ULK4: variants seen among roughly 807,000 people sequenced by gnomAD.
ULK4 encodes the protein inactive serine/threonine-protein kinase ULK4.
In ULK4, 133 loss-of-function variants were observed where a neutral mutation model predicts 160.6. The ratio of observed to expected loss-of-function variants is 0.83; its 90% CI spans 0.72 to 0.96. The LOEUF (loss-of-function observed/expected upper bound fraction) is 0.96. ULK4 is among the 40% of genes least tolerant of loss of function. ULK4 has a pLI of 0.00. For missense variants in ULK4, 1,580 were observed against 1,499.5 expected (o/e 1.05, Z -0.89); for synonymous variants, 534 against 539.8 (o/e 0.99, Z 0.15).
chr3:41,595,181 T>C (rs1559420535), intron 31 of ULK4, among the ~76,000 whole-genome samples: 1 of 152,114 alleles, frequency 6.6e-6, no homozygotes, highest in Non-Finnish European at 1.5e-5. Flanking sequence ...AACAAGGGGC[T>C]CTACAGATGT....
intron 12 of ULK4, among the ~76,000 whole-genome samples, chr3:41,906,075 GGC>G (rs1358948695): frequency 6.6e-6 from 1 of 152,136 alleles, no homozygotes; most frequent in Non-Finnish European, 1.5e-5. Context: ...AAATTAGCTG[GGC>G]ATGGTGGCAG....
At chr3:41,801,091 GT>G (rs1421492983) in intron 19 of ULK4, among the ~76,000 whole-genome samples, 1 of 152,056 alleles carries the variant, frequency 6.6e-6, no homozygotes, top group East Asian at 1.9e-4. Flanking sequence ...AATAAATGTA[GT>G]CCACATACTC....
intron 18 of ULK4, among the ~76,000 whole-genome samples, chr3:41,823,303 T>C (rs891770898): frequency 4.6e-5 from 7 of 151,976 alleles, no homozygotes; most frequent in East Asian, 1.9e-4. Flanking sequence ...GGGAGGTCAG[T>C]ATAGCTGGAA....
intron 35 of ULK4, among the ~76,000 whole-genome samples, chr3:41,384,994 G>A (rs1172840863): frequency 6.6e-6 from 1 of 152,142 alleles, no homozygotes; most frequent in African/African-American, 2.4e-5. Context: ...GGTCAAGGCT[G>A]CAGTCCCCAT....
intron 17 of ULK4, among the ~76,000 whole-genome samples, chr3:41,882,975 AT>A (rs1010590178): frequency 1.4e-4 from 21 of 152,194 alleles, no homozygotes; most frequent in South Asian, 6.2e-4. Context: ...GTCACAATTC[AT>A]TTTTTTAGGC....
At chr3:41,306,626 A>G (rs1453567929) in intron 35 of ULK4, among the ~76,000 whole-genome samples, 13 of 151,354 alleles carry the variant, frequency 8.6e-5, no homozygotes, top group Admixed American at 3.9e-4. Context: ...CTGCCCGGCC[A>G]CCACCCCGTC....
At chr3:41,952,966 G>C (rs1700337692) in intron 2 of ULK4, among the ~76,000 whole-genome samples, 2 of 152,048 alleles carry the variant, frequency 1.3e-5, no homozygotes, top group Admixed American at 1.3e-4. Context: ...AAAAAATGCT[G>C]TATGATACCA....
chr3:41,670,427 T>C (rs1166091404), intron 29 of ULK4, among the ~76,000 whole-genome samples: 1 of 152,182 alleles, frequency 6.6e-6, no homozygotes, highest in Non-Finnish European at 1.5e-5. Context: ...GTGATTTTTA[T>C]GTGATTGAGC....
At chr3:41,451,555 T>C (rs1298906450) in intron 34 of ULK4, among the ~76,000 whole-genome samples, 4 of 151,986 alleles carry the variant, frequency 2.6e-5, no homozygotes, top group Admixed American at 2.6e-4. Flanking sequence ...GAGTGCCCCA[T>C]CCAAGATCAC....
chr3:41,335,274 T>G (rs922315684), intron 35 of ULK4, among the ~76,000 whole-genome samples: 3 of 152,332 alleles, frequency 2.0e-5, no homozygotes, highest in African/African-American at 7.2e-5. Context: ...GCTGGTTAAC[T>G]TCACAGTAAA....
chr3:41,950,389 T>C (rs1256020629), intron 2 of ULK4, among the ~76,000 whole-genome samples: 1 of 152,154 alleles, frequency 6.6e-6, no homozygotes, highest in Non-Finnish European at 1.5e-5. Context: ...TACAGGCATG[T>C]GCCACCATGC....
At chr3:41,368,204 C>T (rs1379315166) in intron 35 of ULK4, among the ~76,000 whole-genome samples, 8 of 152,010 alleles carry the variant, frequency 5.3e-5, no homozygotes, top group Admixed American at 3.9e-4. Context: ...CCCACCACGA[C>T]GCCCGGCTAA....
At chr3:41,845,035 G>A (rs1354866278) in intron 17 of ULK4, among the ~76,000 whole-genome samples, 5 of 149,922 alleles carry the variant, frequency 3.3e-5, no homozygotes, top group African/African-American at 4.9e-5. Flanking sequence ...GCGCAATCTC[G>A]GCTGACTGCA....
intron 30 of ULK4, among the ~76,000 whole-genome samples, chr3:41,623,449 G>A (rs1218772994): frequency 2.6e-5 from 4 of 152,112 alleles, no homozygotes; most frequent in Non-Finnish European, 5.9e-5. Flanking sequence ...TAATAGACAA[G>A]ATACGGAAAC....
intron 32 of ULK4, among the ~76,000 whole-genome samples, chr3:41,491,501 A>G (rs2084762372): frequency 6.6e-6 from 1 of 152,118 alleles, no homozygotes; most frequent in Non-Finnish European, 1.5e-5. Context: ...AAAAATATAT[A>G]GAAATTAGGT....
intron 17 of ULK4, among the ~76,000 whole-genome samples, chr3:41,874,725 G>A (rs1716658): frequency 0.072 from 10,888 of 152,062 alleles, 1,227 homozygotes; most frequent in African/African-American, 0.24. Context: ...AGGGGAGAGG[G>A]ATTAAAAAGA....
At chr3:41,648,043 G>A (rs929336547) in intron 30 of ULK4, among the ~76,000 whole-genome samples, 24 of 152,160 alleles carry the variant, frequency 1.6e-4, no homozygotes, top group Admixed American at 3.3e-4. Flanking sequence ...TTTTAAGCCC[G>A]TCGGAAAAGC....
rs56182309 is a variant in ULK4 at position 41,324,974 on chromosome 3, C to T, written c.3678+73105G>A. On this transcript the variant is annotated intron_variant, in intron 35 of 36. Transcript: ENST00000301831. ...GAGAGTAAAAACAAATGACCATGACCGTCTTTCCAAAGAAGGTAACTACCC... is the reference window on the plus strand; with the variant it reads ...GAGAGTAAAAACAAATGACCATGACTGTCTTTCCAAAGAAGGTAACTACCC... Among the ~76,000 whole-genome samples the T allele has an allele frequency of 5.4e-3, 829 of 152,160 alleles. 13 individuals are homozygous for T. Among genetic ancestry groups the T allele is most frequent in the African/African-American group, 0.019 (786 of 41,524 alleles).
chr3:41,648,124 G>A (rs1371286503), intron 30 of ULK4, among the ~76,000 whole-genome samples: 1 of 152,172 alleles, frequency 6.6e-6, no homozygotes, highest in East Asian at 1.9e-4. Context: ...CTAGGAGAGG[G>A]AACTCCCTGA....
Sources: gnomAD v4.1 joint callset for allele counts (sites outside exome capture counted in the v4.1 genomes callset) on GRCh38, gnomAD v4.1.1 for gene constraint, MANE v1.5 for transcripts, NCBI Gene and HGNC (gene_info 2026-07-23, HGNC 2026-07-21) for gene names.